The following PLCXD1 variants were observed in gnomAD, a reference collection of about 807,000 sequenced individuals.
PLCXD1 encodes the protein phosphatidylinositol specific phospholipase C X domain containing 1, also known as PI-PLC X domain-containing protein 1.
A neutral mutation model predicts 37.8 loss-of-function variants in PLCXD1; 45 were observed. That is an observed-to-expected ratio of 1.19 (90% CI 0.94 to 1.53). The LOEUF (loss-of-function observed/expected upper bound fraction) is 1.53. Ranked by LOEUF, PLCXD1 falls within the 40% of genes most tolerant of loss-of-function variation. The pLI is 0.00. For missense variants in PLCXD1, 539 were observed against 454.7 expected, an observed-to-expected ratio of 1.19 and a Z score of -1.69; for synonymous variants, 246 against 206.9, an observed-to-expected ratio of 1.19 and a Z score of -1.62.
upstream of PLCXD1, among the ~76,000 whole-genome samples, chrX:278,150 AG>A (rs1347555154): frequency 1.7e-5 from 1 of 59,822 alleles, no homozygotes; most frequent in Non-Finnish European, 3.5e-5. Context: ...CTCAGTGGTC[AG>A]GGGACTTGGG....
chrX:293,612 G>A (rs1441813555), intron 6 of PLCXD1, among the ~76,000 whole-genome samples: 10 of 152,178 alleles, frequency 6.6e-5, no homozygotes, highest in Non-Finnish European at 1.0e-4. Context: ...AAGCACCCAG[G>A]GAGAAAGCAG....
At chrX:285,236 G>C (rs1313369349) in intron 2 of PLCXD1, among the ~76,000 whole-genome samples, 5 of 151,986 alleles carry the variant, frequency 3.3e-5, no homozygotes, top group African/African-American at 1.2e-4. Context: ...ATACATGGAT[G>C]TAGGCACATA....
At chrX:296,485 C>T (rs1414389912) in intron 6 of PLCXD1, among the ~76,000 whole-genome samples, 1 of 152,194 alleles carries the variant, frequency 6.6e-6, no homozygotes, top group Non-Finnish European at 1.5e-5. Context: ...CCTTTGCCGT[C>T]TCTGGCTGTG....
Position 303,230 on chromosome X carries a change from G to A in PLCXD1, c.*3895G>A, listed in dbSNP as rs1480983758. 6.6e-6 allele frequency: 1 copy of A among 152,180 alleles called. No individual in the cohort carries two copies. Among genetic ancestry groups the A allele is most frequent in the Admixed American group, 6.5e-5 (1 of 15,268 alleles). 9.4% of individuals were successfully genotyped at this position (152,180 alleles called of 1,614,324 possible). On this transcript the variant is annotated 3_prime_UTR_variant, in exon 7 of 7. Coordinates refer to ENST00000381657, the MANE Select transcript of PLCXD1 (RefSeq NM_018390.4). ...TCAGGGCTCGGGCAGGCCCCGCGGA[G>A]ATGAAGAATTTGCAGGGAGCCTCCC...
chrX:296,153 C>T lies in PLCXD1; in HGVS notation c.733+2935C>T, dbSNP rs192200638. On this transcript the variant is annotated intron_variant, in intron 6 of 6. Coordinates refer to ENST00000381657, the MANE Select transcript of PLCXD1 (RefSeq NM_018390.4). ...GTTTTGTTTTTGAGACAGAGTCTTG[C>T]TCTGTCACCCAGGCTGGAGTGCAAT... Among the ~76,000 whole-genome samples, 163 of 150,050 alleles carry T rather than the reference C, an allele frequency of 1.1e-3. 1 individual carries two copies. Among genetic ancestry groups the T allele is most frequent in the African/African-American group, 4.0e-3 (161 of 40,690 alleles).
rs1490668933 is a variant in PLCXD1, at chrX:303,200, C to T, written c.*3865C>T. On this transcript the variant is annotated 3_prime_UTR_variant, in exon 7 of 7. Coordinates refer to ENST00000381657, the MANE Select transcript of PLCXD1 (RefSeq NM_018390.4). ...CGGCTACCTCAGCCCCACGGCTCTGCAGGATCAGGGCTCGGGCAGGCCCCG... is the reference window on the plus strand; with the variant it reads ...CGGCTACCTCAGCCCCACGGCTCTGTAGGATCAGGGCTCGGGCAGGCCCCG... 1 of 152,186 alleles carries T rather than the reference C, an allele frequency of 6.6e-6. No individual in the cohort carries two copies. Among genetic ancestry groups the T allele is most frequent in the Non-Finnish European group, 1.5e-5 (1 of 68,046 alleles). The allele number at this position is 152,186 out of a possible 1,614,324, so 9.4% of individuals were successfully genotyped here. A position where few individuals can be genotyped will look rare whatever the true frequency, so the allele number is the denominator to read the frequency against.
At position 300,637 on chromosome X, in the gene PLCXD1, T is replaced by C. The variant is rs1195876290; in HGVS notation, c.*1302T>C. ...GTGTATACGTGTATGTATACATGTA[T>C]ATGTGTGTATGCGTGTATATACACA... On this transcript the variant is annotated 3_prime_UTR_variant, in exon 7 of 7. Transcript: ENST00000381657. 2 of 152,054 alleles carry C rather than the reference T, an allele frequency of 1.3e-5. No homozygotes were observed. Among genetic ancestry groups the C allele is most frequent in the Admixed American group, 6.6e-5 (1 of 15,264 alleles). The allele number at this position is 152,054 out of a possible 1,614,324, so 9.4% of individuals were successfully genotyped here. A position where few individuals can be genotyped will look rare whatever the true frequency, so the allele number is the denominator to read the frequency against.
In PLCXD1 at chrX:299,591, C is replaced by G. The variant is rs2069936261; in HGVS notation, c.*256C>G. On this transcript the variant is annotated 3_prime_UTR_variant, in exon 7 of 7. Transcript: ENST00000381657. ...TGACCAACATGGTGAAATCCCATCT[C>G]TACTAAAAATACAAAACTTAGCTGG... 7 of 568,858 alleles carry G rather than the reference C, an allele frequency of 1.2e-5. No homozygotes were observed. Among genetic ancestry groups the G allele is most frequent in the East Asian group, 2.9e-5 (1 of 34,402 alleles). The allele number at this position is 568,858 out of a possible 1,614,324, so 35.2% of individuals were successfully genotyped here.
chrX:299,322 T>G lies in PLCXD1; in HGVS notation c.959T>G (p.Leu320Arg). The G allele has an allele frequency of 6.2e-7, 1 of 1,612,038 alleles. No individual in the cohort carries two copies. Among genetic ancestry groups the G allele is most frequent in the Non-Finnish European group, 8.5e-7 (1 of 1,178,166 alleles). ...VSDVIALNQKLLWC is the reference protein window; with the variant it reads ...VSDVIALNQKRLWC Reference sequence around the variant, plus strand: ...GACGTCATCGCGCTCAATCAGAAGCTGCTGTGGTGCTGACGGGACCCTTCT... The same window carrying G: ...GACGTCATCGCGCTCAATCAGAAGCGGCTGTGGTGCTGACGGGACCCTTCT... The change falls in exon 7 of 7, where the codon CTG becomes CGG. Residue 320 changes from leucine to arginine, a missense_variant. Physicochemically the swap from Leu to Arg is moderately radical, Grantham distance 102. Coordinates refer to ENST00000381657, the MANE Select transcript of PLCXD1 (RefSeq NM_018390.4).
chrX:295,330 C>T lies in PLCXD1; in HGVS notation c.733+2112C>T, dbSNP rs186106834. Among the ~76,000 whole-genome samples the T allele has an allele frequency of 9.6e-3, 1,463 of 152,012 alleles. 24 individuals are homozygous for T. Among genetic ancestry groups the T allele is most frequent in the African/African-American group, 0.033 (1,370 of 41,494 alleles). ...GAGGGAGGGAGGAAGGTCCTCCCCGCGGGGACGGTGGCAGGTGGGGCCGTC... is the reference window on the plus strand; with the variant it reads ...GAGGGAGGGAGGAAGGTCCTCCCCGTGGGGACGGTGGCAGGTGGGGCCGTC... On this transcript the variant is annotated intron_variant, in intron 6 of 6. Coordinates refer to ENST00000381657, the MANE Select transcript of PLCXD1 (RefSeq NM_018390.4).
At chrX:284,904 TCGTGAGACTTATTCA>T (rs2069397383) in intron 2 of PLCXD1, among the ~76,000 whole-genome samples, 1 of 152,102 alleles carries the variant, frequency 6.6e-6, no homozygotes, top group African/African-American at 2.4e-5. Flanking sequence ...CCATCAGATC[TCGTGAGACTTATTCA>T]CGATCACGAG....
intron 1 of PLCXD1, among the ~76,000 whole-genome samples, chrX:282,858 GATGTATAT>G (rs1418413539): frequency 4.8e-5 from 7 of 145,748 alleles, no homozygotes; most frequent in South Asian, 4.2e-4. Flanking sequence ...TATATATAGT[GATGTATAT>G]ATGTATATAT....
chrX:285,174 A>G (rs2069407773), intron 2 of PLCXD1, among the ~76,000 whole-genome samples: 1 of 152,082 alleles, frequency 6.6e-6, no homozygotes, highest in Non-Finnish European at 1.5e-5. Context: ...ACATATGCAC[A>G]TGGATGCATA....
rs199848424 is a variant in PLCXD1, at chrX:293,113, C to T, written c.628C>T (p.Arg210Trp). 3.7e-5 allele frequency: 60 copies of T among 1,612,250 alleles called. No individual in the cohort carries two copies. The highest frequency in any genetic ancestry group is 3.2e-4 in the Admixed American group (19 of 59,996). Residue 210 changes from arginine to tryptophan, a missense_variant, in exon 6 of 7, where the codon CGG becomes TGG. Coordinates refer to ENST00000381657, the MANE Select transcript of PLCXD1 (RefSeq NM_018390.4). ...CTATGAAGACGAGAGCTCCTTGCGC[C>T]GGCACCACGAGCTGTGGCCAGGAGT... ...VSYEDESSLR[R>W]HHELWPGVPY...
intron 2 of PLCXD1, among the ~76,000 whole-genome samples, chrX:286,198 G>A (rs1411975926): frequency 1.3e-5 from 2 of 151,986 alleles, no homozygotes; most frequent in Non-Finnish European, 2.9e-5. Context: ...CCGAGTAGCT[G>A]GGATTACAGG....
At position 290,140 on chromosome X, in the gene PLCXD1, A is replaced by C. The variant is rs750664064; in HGVS notation, c.265-508A>C. On this transcript the variant is annotated intron_variant, in intron 3 of 6. Transcript: ENST00000381657. ...ACCCAGGCTGATTTTTAAAATTTTTAGTAGAGGCCGGGCGCGGTGGCTCAC... is the reference window on the plus strand; with the variant it reads ...ACCCAGGCTGATTTTTAAAATTTTTCGTAGAGGCCGGGCGCGGTGGCTCAC... 8.8e-3 allele frequency among the ~76,000 whole-genome samples: 1,335 copies of C among 152,134 alleles called. 26 individuals are homozygous for C. Among genetic ancestry groups the C allele is most frequent in the African/African-American group, 0.03 (1,261 of 41,532 alleles).
chrX:276,959 C>T (rs1157204966), upstream of PLCXD1, among the ~76,000 whole-genome samples: 2 of 152,130 alleles, frequency 1.3e-5, no homozygotes, highest in Non-Finnish European at 2.9e-5. Context: ...TGTCTCACCC[C>T]GCCTGGCGGG....
chrX:297,283 G>A lies in PLCXD1; in HGVS notation c.734-1814G>A, dbSNP rs1411062994. On this transcript the variant is annotated intron_variant, in intron 6 of 6. Coordinates refer to ENST00000381657, the MANE Select transcript of PLCXD1 (RefSeq NM_018390.4). ...GACATTATTCTGTCTATCACATGGG[G>A]ATCAGGACGTGGACATCTTTGGGGA... is the stretch of plus-strand genomic sequence containing the variant. Among the ~76,000 whole-genome samples the A allele has an allele frequency of 7.7e-5, 3 of 39,156 alleles. 1 individual carries two copies. Among genetic ancestry groups the A allele is most frequent in the East Asian group, 1.5e-3 (2 of 1,318 alleles). 25.7% of individuals were successfully genotyped at this position (39,156 alleles called of 152,430 possible).
At chrX:283,143 A>C (rs2069329353) in intron 1 of PLCXD1, 1 of 149,532 alleles carries the variant, frequency 6.7e-6, no homozygotes. Context: ...GTTTAATAGG[A>C]AAGAAGGGAG....
Sources: allele counts gnomAD v4.1 joint callset (sites outside exome capture counted in the v4.1 genomes callset), GRCh38; gene constraint gnomAD v4.1.1; transcripts MANE v1.5; gene names NCBI Gene and HGNC (gene_info 2026-07-23, HGNC 2026-07-21).